Variants in HIBCH observed in about 807,000 individuals in gnomAD.
The protein encoded by HIBCH is 3-hydroxyisobutyryl-CoA hydrolase, mitochondrial.
In HIBCH, 50 loss-of-function variants were observed where a neutral mutation model predicts 58.2. The observed-to-expected ratio is 0.86, with a 90% CI of 0.68 to 1.09. HIBCH has a LOEUF of 1.09. Among genes scored for constraint, HIBCH ranks in the 50% least tolerant of loss-of-function variants. The pLI is 0.00. For synonymous variants in HIBCH, 151 were observed against 146.9 expected (o/e 1.03, Z -0.20); for missense variants, 450 against 449.7 (o/e 1.00, Z -0.01).
chr2:190,223,493 C>T (rs192718444), intron 11 of HIBCH, among the ~76,000 whole-genome samples: 9 of 152,104 alleles, frequency 5.9e-5, no homozygotes, highest in Non-Finnish European at 1.2e-4. Flanking sequence ...GGATGGTAGG[C>T]GTGAAGAAAA....
intron 8 of HIBCH, 106 bp downstream of exon 8, chr2:190,252,056 C>T (rs1686788464): frequency 2.9e-6 from 3 of 1,045,746 alleles, no homozygotes; most frequent in Non-Finnish European, 3.0e-6. Flanking sequence ...ATTCACACCA[C>T]GATTTCACCA....
chr2:190,254,406 A>G lies in HIBCH; in HGVS notation c.518-2099T>C, dbSNP rs1048217051. 4.6e-5 allele frequency among the ~76,000 whole-genome samples: 7 copies of G among 152,162 alleles called. No homozygotes were observed. Among genetic ancestry groups the G allele is most frequent in the South Asian group, 4.1e-4 (2 of 4,830 alleles). ...AACCATCTGCTGACACCTTGATCTC[A>G]GCCTTTCAATCTCCAGAACTGTGAG... is the stretch of plus-strand genomic sequence containing the variant. On this transcript the variant is annotated intron_variant, in intron 7 of 13. Transcript: ENST00000359678. The surrounding 1 kb of genome is among the most constrained non-coding windows in gnomAD (Gnocchi z 5.0).
intron 6 of HIBCH, among the ~76,000 whole-genome samples, chr2:190,278,401 G>A (rs2919676): frequency 0.74 from 112,353 of 151,486 alleles, 42,101 homozygotes; most frequent in South Asian, 0.81. Context: ...AGGGGATTTC[G>A]CCACGTTGGC....
chr2:190,300,130 G>A (rs574287824), intron 2 of HIBCH, among the ~76,000 whole-genome samples: 9 of 152,270 alleles, frequency 5.9e-5, no homozygotes, highest in South Asian at 4.1e-4. Context: ...GTGAACATAC[G>A]TGTGCATGTG....
intron 1 of HIBCH, among the ~76,000 whole-genome samples, chr2:190,318,026 A>G (rs911468429): frequency 2.2e-4 from 34 of 151,706 alleles, no homozygotes; most frequent in African/African-American, 7.7e-4. Flanking sequence ...GGGTTTCACT[A>G]TGTTGGCCAG....
At chr2:190,239,806 C>T (rs190387538) in intron 11 of HIBCH, among the ~76,000 whole-genome samples, 51 of 152,158 alleles carry the variant, frequency 3.4e-4, no homozygotes, top group Non-Finnish European at 4.4e-4. Context: ...TGTGCCACCA[C>T]GCCCAGCTAA....
At chr2:190,198,813 A>G (rs1006792058) in intron 1 of HIBCH, among the ~76,000 whole-genome samples, 7 of 152,146 alleles carry the variant, frequency 4.6e-5, no homozygotes, top group Admixed American at 1.3e-4. Flanking sequence ...TGTTTTAGTT[A>G]TCCTTAAGTC....
chr2:190,205,650 T>C (rs959064092), intron 13 of HIBCH, among the ~76,000 whole-genome samples: 2 of 152,068 alleles, frequency 1.3e-5, no homozygotes, highest in Non-Finnish European at 2.9e-5. Context: ...ACATTGAATT[T>C]TGGGAGGAAA....
Position 190,206,795 on chromosome 2 carries a change from T to C in HIBCH, c.1046-1563A>G, listed in dbSNP as rs1476085469. Among the ~76,000 whole-genome samples, 2 of 152,208 alleles carry C rather than the reference T, an allele frequency of 1.3e-5. No homozygotes were observed. The highest frequency in any genetic ancestry group is 2.9e-5 in the Non-Finnish European group (2 of 68,040). On this transcript the variant is annotated intron_variant, in intron 13 of 13. Coordinates refer to ENST00000359678, the MANE Select transcript of HIBCH (RefSeq NM_014362.4). The surrounding 1 kb of genome is among the most constrained non-coding windows in gnomAD (Gnocchi z 5.1). ...TTTTCAATCTCAGAACAGACGCTGC[T>C]TTCTGAAAGAGGCGGCAATATACTT... is the stretch of plus-strand genomic sequence containing the variant.
intron 7 of HIBCH, chr2:190,260,332 T>A (rs1283709838): frequency 1.3e-5 from 2 of 152,102 alleles, no homozygotes; most frequent in South Asian, 4.1e-4. Context: ...TGGATAAATA[T>A]GACAAAAGAT....
intron 1 of HIBCH, among the ~76,000 whole-genome samples, chr2:190,194,481 C>A (rs903742991): frequency 5.4e-5 from 5 of 93,284 alleles, no homozygotes; most frequent in Admixed American, 3.7e-4. Flanking sequence ...TGTGTATACA[C>A]ACACACACAC....
Position 190,205,101 on chromosome 2 carries a change from T to G in HIBCH, c.*16A>C, listed in dbSNP as rs369048411. 7.4e-5 allele frequency: 107 copies of G among 1,445,222 alleles called. No individual in the cohort carries two copies. The highest frequency in any genetic ancestry group is 1.0e-4 in the Non-Finnish European group (103 of 1,029,440). The allele number at this position is 1,445,222 out of a possible 1,614,324, so 89.5% of individuals were successfully genotyped here. A position where few individuals can be genotyped will look rare whatever the true frequency, so the allele number is the denominator to read the frequency against. ...GCCAACCCATGCTACAAAATATACC[T>G]TAAAAGCCTGTCACCTCAAAATTTC... On this transcript the variant is annotated 3_prime_UTR_variant, in exon 14 of 14. Coordinates refer to ENST00000359678, the MANE Select transcript of HIBCH (RefSeq NM_014362.4).
intron 6 of HIBCH, among the ~76,000 whole-genome samples, chr2:190,277,860 G>A (rs542978513): frequency 6.6e-6 from 1 of 152,254 alleles, no homozygotes; most frequent in Non-Finnish European, 1.5e-5. Flanking sequence ...TGCTCATGCT[G>A]CAAGGTGGAG....
In HIBCH at chr2:190,211,072, G is replaced by A. The variant is rs1690503357; in HGVS notation, c.1011+1884C>T. On this transcript the variant is annotated intron_variant, in intron 12 of 13. Transcript: ENST00000359678. The surrounding 1 kb of genome is among the most constrained non-coding windows in gnomAD (Gnocchi z 5.0). ...CCTACTCCCTACTCCCCAAGATAAT[G>A]ATTTAAACTGTTTTCTGCCTTTTCA... Among the ~76,000 whole-genome samples, 1 of 152,096 alleles carries A rather than the reference G, an allele frequency of 6.6e-6. No homozygotes were observed. The highest frequency in any genetic ancestry group is 1.5e-5 in the Non-Finnish European group (1 of 68,030).
chr2:190,294,920 T>C (rs1688065286), intron 3 of HIBCH, among the ~76,000 whole-genome samples: 2 of 152,198 alleles, frequency 1.3e-5, no homozygotes, highest in African/African-American at 4.8e-5. Flanking sequence ...GCCATAACTT[T>C]GATACCAAGA....
chr2:190,298,186 T>A (rs1688158311), intron 2 of HIBCH, among the ~76,000 whole-genome samples: 1 of 152,232 alleles, frequency 6.6e-6, no homozygotes, highest in African/African-American at 2.4e-5. Flanking sequence ...TCCAAGTCTT[T>A]GCTATTGTAA....
chr2:190,317,557 T>C lies in HIBCH; in HGVS notation c.35+2159A>G, dbSNP rs116665273. On this transcript the variant is annotated intron_variant, in intron 1 of 13. Transcript: ENST00000359678. ...AATTGCATAAGCAGAAGGGCACCTC[T>C]GTGAGATTCTGAGAAGAATGGCAGG... 6.8e-3 allele frequency among the ~76,000 whole-genome samples: 1,031 copies of C among 152,340 alleles called. 9 individuals carry two copies. The highest frequency in any genetic ancestry group is 0.024 in the African/African-American group (981 of 41,582).
intron 11 of HIBCH, among the ~76,000 whole-genome samples, chr2:190,239,062 T>C (rs1238259422): frequency 6.6e-6 from 1 of 152,320 alleles, no homozygotes; most frequent in Non-Finnish European, 1.5e-5. Flanking sequence ...CTGAGTGGTA[T>C]TGCCTAGGTT....
intron 2 of HIBCH, among the ~76,000 whole-genome samples, chr2:190,305,117 T>A (rs1391022795): frequency 1.3e-5 from 2 of 152,090 alleles, no homozygotes; most frequent in Non-Finnish European, 2.9e-5. Context: ...GTTGAGGTTG[T>A]AGAGGAACCA....
Sources: gnomAD v4.1 joint callset for allele counts (sites outside exome capture counted in the v4.1 genomes callset) on GRCh38, gnomAD v4.1.1 for gene constraint, Gnocchi (gnomAD v3.1) non-coding constraint, MANE v1.5 for transcripts, NCBI Gene and HGNC (gene_info 2026-07-23, HGNC 2026-07-21) for gene names.